EPC2: variants seen among roughly 807,000 people sequenced by gnomAD.
EPC2 encodes the protein enhancer of polycomb homolog 2.
In EPC2, 14 loss-of-function variants were observed where a neutral mutation model predicts 92.1. The ratio of observed to expected loss-of-function variants is 0.15; its 90% CI spans 0.10 to 0.24. The LOEUF is 0.24. Among genes scored for constraint, EPC2 ranks in the 10% least tolerant of loss-of-function variants. EPC2 has a pLI of 1.00. For synonymous variants in EPC2, 340 were observed against 334.7 expected, an observed-to-expected ratio of 1.02 and a Z score of -0.17; for missense variants, 755 against 971.5, an observed-to-expected ratio of 0.78 and a Z score of 2.96.
chr2:148,690,592 A>T (rs1681625741), intron 2 of EPC2, among the ~76,000 whole-genome samples: 1 of 152,228 alleles, frequency 6.6e-6, no homozygotes, highest in Non-Finnish European at 1.5e-5. Flanking sequence ...TTTATGTAGT[A>T]TAGGATTTTG....
At chr2:148,752,198 C>T (rs1471488574) in intron 3 of EPC2, among the ~76,000 whole-genome samples, 4 of 152,160 alleles carry the variant, frequency 2.6e-5, no homozygotes, top group Non-Finnish European at 4.4e-5. Flanking sequence ...TTAGATTAAG[C>T]TCTTGATTTA....
At position 148,781,763 on chromosome 2, in the gene EPC2, A is replaced by G; in HGVS notation, c.1840A>G (p.Thr614Ala). The change falls in exon 11 of 14, where the codon ACA (threonine) becomes GCA (alanine). Residue 614 changes from threonine (T) to alanine (A), a missense_variant. Coordinates refer to ENST00000258484, the MANE Select transcript of EPC2 (RefSeq NM_015630.4). Reference protein sequence around the residue: ...KQQSQHSSQQTHPKAQGSSTS... With the variant: ...KQQSQHSSQQAHPKAQGSSTS... ...GCAATCTCAGCATTCCTCGCAACAG[A>G]CACATCCAAAAGCACAGGTAAACTG... 1 of 1,613,932 alleles carries G rather than the reference A, an allele frequency of 6.2e-7. No individual in the cohort carries two copies. The highest frequency in any genetic ancestry group is 2.2e-5 in the East Asian group (1 of 44,866).
chr2:148,775,766 A>ATTTAT (rs1553451044), intron 10 of EPC2, among the ~76,000 whole-genome samples: 1 of 94,070 alleles, frequency 1.1e-5, no homozygotes, highest in Admixed American at 1.2e-4. Context: ...AATATTACCA[A>ATTTAT]TTTCTTTTCT....
At chr2:148,700,949 A>G (rs1234739249) in intron 2 of EPC2, among the ~76,000 whole-genome samples, 2 of 151,878 alleles carry the variant, frequency 1.3e-5, no homozygotes, top group Admixed American at 1.3e-4. Context: ...CTTTCATCAG[A>G]CTTTTGCGAT....
At chr2:148,655,368 A>G (rs1680770466) in intron 1 of EPC2, among the ~76,000 whole-genome samples, 1 of 152,244 alleles carries the variant, frequency 6.6e-6, no homozygotes, top group Non-Finnish European at 1.5e-5. Context: ...CCATAAATGC[A>G]TAAAATAAGG....
At chr2:148,671,338 GC>G (rs1349786588) in intron 1 of EPC2, among the ~76,000 whole-genome samples, 4 of 148,322 alleles carry the variant, frequency 2.7e-5, no homozygotes, top group Non-Finnish European at 4.4e-5. Context: ...TTTTGGCTGG[GC>G]ATGATGGCTC....
At chr2:148,709,613 A>C (rs1257162057) in intron 2 of EPC2, among the ~76,000 whole-genome samples, 1 of 152,228 alleles carries the variant, frequency 6.6e-6, no homozygotes, top group Non-Finnish European at 1.5e-5. Flanking sequence ...AGTCTACAGT[A>C]ACCAAAACAG....
intron 1 of EPC2, among the ~76,000 whole-genome samples, chr2:148,667,793 A>G (rs1039158163): frequency 1.3e-5 from 2 of 152,156 alleles, no homozygotes; most frequent in African/African-American, 2.4e-5. Flanking sequence ...GATTGAAGAC[A>G]TTCTTTTGTA....
chr2:148,751,115 A>G (rs952711113), intron 3 of EPC2, among the ~76,000 whole-genome samples: 2 of 152,154 alleles, frequency 1.3e-5, no homozygotes, highest in Non-Finnish European at 2.9e-5. Context: ...CCCACATTCT[A>G]TAACCCATTA....
intron 2 of EPC2, 65 bp downstream of exon 2, chr2:148,690,438 C>T: frequency 7.0e-7 from 1 of 1,419,246 alleles, no homozygotes; most frequent in East Asian, 2.4e-5. Context: ...GAAATCTTTT[C>T]TTTTGTCTAA....
intron 2 of EPC2, among the ~76,000 whole-genome samples, chr2:148,724,257 A>G (rs760518483): frequency 1.8e-4 from 27 of 151,942 alleles, no homozygotes; most frequent in Non-Finnish European, 3.5e-4. Flanking sequence ...ATAATTTTTA[A>G]CTTTTACAGC....
chr2:148,720,898 G>A (rs141821786), intron 2 of EPC2, among the ~76,000 whole-genome samples: 2 of 152,234 alleles, frequency 1.3e-5, no homozygotes, highest in Non-Finnish European at 2.9e-5. Flanking sequence ...CTCTCCATGA[G>A]CGCCACGGAC....
intron 2 of EPC2, among the ~76,000 whole-genome samples, chr2:148,734,803 C>A (rs375109249): frequency 1.4e-5 from 2 of 137,934 alleles, no homozygotes; most frequent in Non-Finnish European, 3.2e-5. Context: ...GAATTGATTT[C>A]TTTTTTTTTT....
intron 3 of EPC2, among the ~76,000 whole-genome samples, chr2:148,747,284 TC>T (rs1219429724): frequency 6.6e-6 from 1 of 152,110 alleles, no homozygotes; most frequent in East Asian, 1.9e-4. Flanking sequence ...TCCATCATTT[TC>T]CTTCCTTTCT....
chr2:148,729,920 A>T (rs1031333152), intron 2 of EPC2, among the ~76,000 whole-genome samples: 1 of 152,194 alleles, frequency 6.6e-6, no homozygotes, highest in African/African-American at 2.4e-5. Flanking sequence ...TTGTTACTTA[A>T]TATAAAATGT....
chr2:148,770,107 G>T (rs541202033), intron 8 of EPC2, among the ~76,000 whole-genome samples: 2 of 152,142 alleles, frequency 1.3e-5, no homozygotes, highest in South Asian at 2.1e-4. Flanking sequence ...GTGCAATGGT[G>T]CAATCATACA....
At chr2:148,645,212 C>T (rs748118336) in intron 1 of EPC2, 42 bp downstream of exon 1, 29 of 1,494,934 alleles carry the variant, frequency 1.9e-5, no homozygotes, top group South Asian at 2.5e-5. Flanking sequence ...CCCTCCTCCC[C>T]CCTCCCCTTT....
intron 1 of EPC2, among the ~76,000 whole-genome samples, chr2:148,645,932 G>A (rs1216841647): frequency 1.3e-5 from 2 of 152,278 alleles, no homozygotes; most frequent in Non-Finnish European, 2.9e-5. Context: ...TCATTGCGAG[G>A]TGGTCCTTAG....
chr2:148,773,952 A>G (rs1044152472), intron 10 of EPC2, among the ~76,000 whole-genome samples: 12 of 152,074 alleles, frequency 7.9e-5, no homozygotes, highest in Admixed American at 3.9e-4. Flanking sequence ...TGCGTCTTGA[A>G]CACTTTTTCC....
Sources: allele counts gnomAD v4.1 joint callset (sites outside exome capture counted in the v4.1 genomes callset), GRCh38; gene constraint gnomAD v4.1.1; transcripts MANE v1.5; gene names NCBI Gene and HGNC (gene_info 2026-07-23, HGNC 2026-07-21).